KHDRBS2: variants seen among roughly 807,000 people sequenced by gnomAD.
The protein encoded by KHDRBS2 is KH RNA binding domain containing, signal transduction associated 2, also known as KH domain-containing, RNA-binding, signal transduction-associated protein 2.
In KHDRBS2, 26 loss-of-function variants were observed where a neutral mutation model predicts 44.3. That is an observed-to-expected ratio of 0.59 (90% confidence interval 0.43 to 0.81). KHDRBS2 has a LOEUF of 0.81. KHDRBS2 is among the 40% of genes least tolerant of loss of function. The probability of loss-of-function intolerance (pLI) is 0.00; values close to 1 mark genes in which losing one functional copy is unlikely to be tolerated. For missense variants in KHDRBS2, 476 were observed against 433.1 expected, an observed-to-expected ratio of 1.10 and a Z score of -0.88; for synonymous variants, 194 against 151.1, an observed-to-expected ratio of 1.28 and a Z score of -2.08.
chr6:61,906,411 C>T (rs1351009330), intron 4 of KHDRBS2, among the ~76,000 whole-genome samples: 2 of 152,072 alleles, frequency 1.3e-5, no homozygotes, highest in Non-Finnish European at 1.5e-5. Context: ...TCCAGTTCCA[C>T]TCTTTTAGTG....
At chr6:61,867,309 G>C (rs375465404) in intron 6 of KHDRBS2, among the ~76,000 whole-genome samples, 3 of 152,162 alleles carry the variant, frequency 2.0e-5, no homozygotes, top group Non-Finnish European at 4.4e-5. Flanking sequence ...ATGAGATCTC[G>C]TGAAACTTAC....
At chr6:61,771,921 G>C (rs909090199) in intron 6 of KHDRBS2, among the ~76,000 whole-genome samples, 1 of 152,056 alleles carries the variant, frequency 6.6e-6, no homozygotes, top group Non-Finnish European at 1.5e-5. Context: ...CTCCAAAATT[G>C]ACCACATAGT....
At chr6:61,601,020 A>C in the KHDRBS2 span, among the ~76,000 whole-genome samples, 1 of 152,130 alleles carries the variant, frequency 6.6e-6, no homozygotes, top group Admixed American at 6.5e-5. Context: ...CTGCCTGATT[A>C]TTCACCCACA....
intron 1 of KHDRBS2, among the ~76,000 whole-genome samples, chr6:62,199,619 TG>T (rs1430408117): frequency 6.6e-6 from 1 of 152,138 alleles, no homozygotes; most frequent in African/African-American, 2.4e-5. Context: ...TCCATGCTCA[TG>T]GGTAGGAAGA....
chr6:61,556,329 G>C, the KHDRBS2 span, among the ~76,000 whole-genome samples: 14 of 152,176 alleles, frequency 9.2e-5, no homozygotes, highest in Non-Finnish European at 2.1e-4. Context: ...CAATGTCCAT[G>C]CTAGAAAAAT....
intron 6 of KHDRBS2, among the ~76,000 whole-genome samples, chr6:61,878,539 C>T (rs16900290): frequency 0.067 from 10,153 of 152,084 alleles, 405 homozygotes; most frequent in Middle Eastern, 0.13. Flanking sequence ...TAGAGCTAGA[C>T]CGCTGGTTTT....
chr6:61,771,426 T>A (rs1179616058), intron 6 of KHDRBS2, among the ~76,000 whole-genome samples: 1 of 152,156 alleles, frequency 6.6e-6, no homozygotes, highest in Non-Finnish European at 1.5e-5. Context: ...ATCAGTGTGC[T>A]GTACTCAGGA....
the KHDRBS2 span, among the ~76,000 whole-genome samples, chr6:61,672,630 T>A: frequency 1.3e-5 from 2 of 152,098 alleles, no homozygotes; most frequent in African/African-American, 2.4e-5. Context: ...GTCTTTTGGC[T>A]GCATAAATGT....
the KHDRBS2 span, among the ~76,000 whole-genome samples, chr6:61,623,387 A>G: frequency 6.6e-6 from 1 of 152,140 alleles, no homozygotes; most frequent in Non-Finnish European, 1.5e-5. Flanking sequence ...TAGTGGGAAC[A>G]TTATAACACA....
At chr6:62,033,514 A>G (rs1261537273) in intron 3 of KHDRBS2, among the ~76,000 whole-genome samples, 1 of 151,924 alleles carries the variant, frequency 6.6e-6, no homozygotes, top group African/African-American at 2.4e-5. Context: ...ATCCGGCAGC[A>G]GACTTTTCAG....
chr6:62,042,456 T>G (rs1786737206), intron 3 of KHDRBS2, among the ~76,000 whole-genome samples: 1 of 152,088 alleles, frequency 6.6e-6, no homozygotes, highest in African/African-American at 2.4e-5. Context: ...GTGTCTGGGC[T>G]CTTGATTTTG....
the KHDRBS2 span, among the ~76,000 whole-genome samples, chr6:61,592,059 C>G: frequency 1.3e-5 from 2 of 151,736 alleles, no homozygotes; most frequent in Non-Finnish European, 2.9e-5. Context: ...AGTGTGGTGG[C>G]TCAGGTCTGT....
intron 6 of KHDRBS2, among the ~76,000 whole-genome samples, chr6:61,827,434 A>G (rs1482016953): frequency 2.6e-5 from 4 of 152,210 alleles, no homozygotes; most frequent in Non-Finnish European, 4.4e-5. Context: ...GATGCCTGTT[A>G]GGAGGAAACA....
intron 7 of KHDRBS2, among the ~76,000 whole-genome samples, chr6:61,728,723 C>T (rs1222408517): frequency 6.6e-6 from 1 of 152,064 alleles, no homozygotes; most frequent in African/African-American, 2.4e-5. Flanking sequence ...TGTATTAACA[C>T]ACATGAAAGA....
In KHDRBS2 at chr6:62,033,052, G is replaced by A. The variant is rs183287407; in HGVS notation, c.336+14826C>T. The stretch of plus-strand genomic sequence containing the variant: ...AAAATGAATCAAGCAGAATTCTGGA[G>A]TTGAAAAATGTAACTGGCATACTAA... On this transcript the variant is annotated intron_variant, in intron 3 of 8. Coordinates refer to ENST00000281156, the MANE Select transcript of KHDRBS2 (RefSeq NM_152688.4). 5.0e-3 allele frequency among the ~76,000 whole-genome samples: 753 copies of A among 151,922 alleles called. 7 individuals carry two copies. Among genetic ancestry groups the A allele is most frequent in the African/African-American group, 0.017 (714 of 41,482 alleles).
the KHDRBS2 span, among the ~76,000 whole-genome samples, chr6:61,577,803 TAC>T: frequency 6.6e-6 from 1 of 152,184 alleles, no homozygotes; most frequent in African/African-American, 2.4e-5. Context: ...GCTAAAATAC[TAC>T]AGTCATTTTG....
At chr6:61,971,263 A>G (rs1365745244) in intron 4 of KHDRBS2, among the ~76,000 whole-genome samples, 1 of 152,154 alleles carries the variant, frequency 6.6e-6, no homozygotes, top group Admixed American at 6.6e-5. Flanking sequence ...ATGAGATAGA[A>G]GTTATATTTT....
In KHDRBS2 at chr6:61,956,688, T is replaced by C. The variant is rs549759289; in HGVS notation, c.483+21378A>G. 2.6e-5 allele frequency among the ~76,000 whole-genome samples: 4 copies of C among 152,262 alleles called. No homozygotes were observed. The South Asian group carries it at 8.3e-4, about 32-fold the overall frequency. ...ATTCTCCATTCTCTGCACACCCCTATATTCTTGGCCACTGAACAAAGTTAA... is the reference window on the plus strand; with the variant it reads ...ATTCTCCATTCTCTGCACACCCCTACATTCTTGGCCACTGAACAAAGTTAA... On this transcript the variant is annotated intron_variant, in intron 4 of 8. Transcript: ENST00000281156.
At chr6:61,931,490 A>G (rs1810043419) in intron 4 of KHDRBS2, among the ~76,000 whole-genome samples, 1 of 152,124 alleles carries the variant, frequency 6.6e-6, no homozygotes, top group South Asian at 2.1e-4. Flanking sequence ...CATAATCCTT[A>G]ACACTTGATA....
Sources: gnomAD v4.1 joint callset for allele counts (sites outside exome capture counted in the v4.1 genomes callset) on GRCh38, gnomAD v4.1.1 for gene constraint, MANE v1.5 for transcripts, NCBI Gene and HGNC (gene_info 2026-07-23, HGNC 2026-07-21) for gene names.